SIRPA: variants seen among roughly 807,000 people sequenced by gnomAD.
SIRPA encodes the protein signal regulatory protein alpha.
Under a neutral mutation model 50.3 loss-of-function variants are expected in SIRPA, and 9 were observed. The observed-to-expected ratio is 0.18, with a 90% CI of 0.11 to 0.31. SIRPA has a LOEUF of 0.31. Ranked by LOEUF, SIRPA falls within the 10% of genes least tolerant of loss-of-function variation. The pLI, the probability that SIRPA is intolerant of heterozygous loss-of-function variation, is 1.00. For synonymous variants in SIRPA, 265 were observed against 284.1 expected (o/e 0.93, Z 0.68); for missense variants, 474 against 661.6 (o/e 0.72, Z 3.11).
chr20:1,915,586 T>TGTAAAAGGGGGAG, intron 2 of SIRPA, 131 bp downstream of exon 2: 1 of 1,153,968 alleles, frequency 8.7e-7, no homozygotes, highest in South Asian at 1.5e-5. Context: ...CTCCCCCTTT[T>TGTAAAAGGGGGAG]ACAAATAAGG....
chr20:1,912,435 CAT>C (rs1239136378), intron 1 of SIRPA, among the ~76,000 whole-genome samples: 2 of 152,358 alleles, frequency 1.3e-5, no homozygotes, highest in Non-Finnish European at 2.9e-5. Context: ...TGCCCAGGGT[CAT>C]GGAGCCAACG....
chr20:1,906,858 AACAG>A (rs1290742427), intron 1 of SIRPA, among the ~76,000 whole-genome samples: 1 of 152,174 alleles, frequency 6.6e-6, no homozygotes, highest in Non-Finnish European at 1.5e-5. Flanking sequence ...AGGATCTACT[AACAG>A]ATGGGTTGTG....
At chr20:1,913,969 C>T (rs1469383381) in intron 1 of SIRPA, among the ~76,000 whole-genome samples, 1 of 152,158 alleles carries the variant, frequency 6.6e-6, no homozygotes, top group Non-Finnish European at 1.5e-5. Flanking sequence ...CCAACCTCTA[C>T]AATTCCTTCC....
At chr20:1,912,271 C>T (rs1181676799) in intron 1 of SIRPA, among the ~76,000 whole-genome samples, 1 of 152,214 alleles carries the variant, frequency 6.6e-6, no homozygotes, top group Non-Finnish European at 1.5e-5. Flanking sequence ...GCGCCTCCTG[C>T]TCCCTCACCA....
chr20:1,926,518 G>C lies in SIRPA; in HGVS notation c.1202-1357G>C, dbSNP rs922057319. On this transcript the variant is annotated intron_variant, in intron 5 of 7. Transcript: ENST00000358771. The stretch of plus-strand genomic sequence containing the variant: ...CTCTGGTAAAGGCCACCCAGCCCGA[G>C]TGGCAGGTCTGTGTGCAGAGCCTAG... 6.6e-5 allele frequency among the ~76,000 whole-genome samples: 10 copies of C among 152,368 alleles called. No homozygotes were observed. In the South Asian group the frequency reaches 2.1e-3, roughly 32 times the overall value.
chr20:1,900,161 C>T (rs753404074), intron 1 of SIRPA, among the ~76,000 whole-genome samples: 13 of 142,620 alleles, frequency 9.1e-5, no homozygotes, highest in Non-Finnish European at 1.6e-4. Context: ...AGTGCAATGG[C>T]GTGATCTCGG....
In SIRPA at chr20:1,939,436, G is replaced by A. The variant is rs1214519212; in HGVS notation, c.*1868G>A. ...ACAGCTTTGGCCAGAGCTCCCGTGT[G>A]GCATCTGGGAGCCACAGTGACCCAG... On this transcript the variant is annotated 3_prime_UTR_variant, in exon 8 of 8. Transcript: ENST00000358771. The surrounding 1 kb of genome is among the most constrained non-coding windows in gnomAD (Gnocchi z 4.7). 2 of 152,178 alleles carry A rather than the reference G, an allele frequency of 1.3e-5. No individual in the cohort carries two copies. The highest frequency in any genetic ancestry group is 4.8e-5 in the African/African-American group (2 of 41,430). 9.4% of individuals were successfully genotyped at this position (152,178 alleles called of 1,614,324 possible). A position where few individuals can be genotyped will look rare whatever the true frequency, so the allele number is the denominator to read the frequency against.
At chr20:1,930,711 C>G (rs1056385888) in intron 6 of SIRPA, among the ~76,000 whole-genome samples, 2 of 152,184 alleles carry the variant, frequency 1.3e-5, no homozygotes, top group African/African-American at 4.8e-5. Flanking sequence ...CTGCCTCAGC[C>G]TCCTGAGTAG....
At chr20:1,896,925 A>G (rs1425192771) in intron 1 of SIRPA, among the ~76,000 whole-genome samples, 1 of 152,186 alleles carries the variant, frequency 6.6e-6, no homozygotes, top group Non-Finnish European at 1.5e-5. Flanking sequence ...ACCCTGCAAA[A>G]GTCCGAGTTC....
chr20:1,915,589 A>G, intron 2 of SIRPA, 134 bp downstream of exon 2: 1 of 1,133,344 alleles, frequency 8.8e-7, no homozygotes, highest in Non-Finnish European at 1.3e-6. Context: ...CCCCTTTTAC[A>G]AATAAGGGAA....
chr20:1,904,214 T>C (rs2123010005), intron 1 of SIRPA, among the ~76,000 whole-genome samples: 1 of 152,294 alleles, frequency 6.6e-6, no homozygotes, highest in Middle Eastern at 3.4e-3. Context: ...AAGATATCAA[T>C]GCCAGGAGGG....
intron 1 of SIRPA, among the ~76,000 whole-genome samples, chr20:1,897,950 A>G (rs1226867773): frequency 6.6e-6 from 1 of 152,216 alleles, no homozygotes; most frequent in Non-Finnish European, 1.5e-5. Context: ...AGGGCAAGGG[A>G]CTGAGGCCTG....
In SIRPA at chr20:1,933,069, G is replaced by C. The variant is rs536217142; in HGVS notation, c.1227-1646G>C. Reference sequence around the variant, plus strand: ...CATCTGAAGGAAGAAAAGGATTAAAGCAGATTAAGAGGCAGCAGCATGGAG... The same window carrying C: ...CATCTGAAGGAAGAAAAGGATTAAACCAGATTAAGAGGCAGCAGCATGGAG... On this transcript the variant is annotated intron_variant, in intron 6 of 7. Coordinates refer to ENST00000358771, the MANE Select transcript of SIRPA (RefSeq NM_001040023.2). The surrounding 1 kb of genome is among the most constrained non-coding windows in gnomAD (Gnocchi z 4.4). Among the ~76,000 whole-genome samples the C allele has an allele frequency of 3.3e-5, 5 of 152,344 alleles. No homozygotes were observed. The East Asian group carries it at 9.6e-4, about 29-fold the overall frequency.
At chr20:1,915,563 C>A in intron 2 of SIRPA, 108 bp downstream of exon 2, 1 of 1,313,614 alleles carries the variant, frequency 7.6e-7, no homozygotes, top group Non-Finnish European at 1.1e-6. Context: ...TGCTCCTTTC[C>A]ATGAATTGAT....
chr20:1,911,355 T>C (rs1313184306), intron 1 of SIRPA, among the ~76,000 whole-genome samples: 1 of 152,270 alleles, frequency 6.6e-6, no homozygotes, highest in Non-Finnish European at 1.5e-5. Context: ...TTATCTTTGA[T>C]GGTATGATGT....
chr20:1,916,207 A>G (rs941094008), intron 2 of SIRPA, among the ~76,000 whole-genome samples: 2 of 152,204 alleles, frequency 1.3e-5, no homozygotes, highest in African/African-American at 4.8e-5. Context: ...CCGTTAAGGC[A>G]GCAAAGATGC....
At chr20:1,895,656 T>C (rs1983757747) in intron 1 of SIRPA, 130 bp downstream of exon 1, 2 of 692,308 alleles carry the variant, frequency 2.9e-6, no homozygotes, top group South Asian at 3.3e-5. Flanking sequence ...ACCAGGGTTA[T>C]AGATGCAGAA....
In SIRPA at chr20:1,939,551, T is replaced by G. The variant is rs1349158046; in HGVS notation, c.*1983T>G. On this transcript the variant is annotated 3_prime_UTR_variant, in exon 8 of 8. Coordinates refer to ENST00000358771, the MANE Select transcript of SIRPA (RefSeq NM_001040023.2). This position sits in a 1 kb window ranked among gnomAD's most constrained non-coding sequence, Gnocchi z 4.7. The stretch of plus-strand genomic sequence containing the variant: ...TTTACCCAGAGACAGCACATACGTG[T>G]GCACACGCATGCACACACACATTCA... 1 of 152,220 alleles carries G rather than the reference T, an allele frequency of 6.6e-6. No homozygotes were observed. Among genetic ancestry groups the G allele is most frequent in the African/African-American group, 2.4e-5 (1 of 41,434 alleles). The allele number at this position is 152,220 out of a possible 1,614,324, so 9.4% of individuals were successfully genotyped here.
intron 1 of SIRPA, among the ~76,000 whole-genome samples, chr20:1,901,975 G>T (rs1984242440): frequency 6.6e-6 from 1 of 152,194 alleles, no homozygotes; most frequent in African/African-American, 2.4e-5. Context: ...CTCCAGAAAT[G>T]GAAGCCCGTG....
Sources: gnomAD v4.1 joint callset for allele counts (sites outside exome capture counted in the v4.1 genomes callset) on GRCh38, gnomAD v4.1.1 for gene constraint, Gnocchi (gnomAD v3.1) non-coding constraint, MANE v1.5 for transcripts, NCBI Gene and HGNC (gene_info 2026-07-23, HGNC 2026-07-21) for gene names.